The following GRIK2 variants were observed in gnomAD, a reference collection of about 807,000 sequenced individuals.
The protein encoded by GRIK2 is glutamate ionotropic receptor kainate type subunit 2.
Under a neutral mutation model 100.3 loss-of-function variants are expected in GRIK2, and 32 were observed. The ratio of observed to expected loss-of-function variants is 0.32; its 90% CI spans 0.24 to 0.43. The LOEUF (loss-of-function observed/expected upper bound fraction) is 0.43, where lower values mean the gene tolerates loss of function less well. Among genes scored for constraint, GRIK2 ranks in the 20% least tolerant of loss-of-function variants. GRIK2 has a pLI of 1.00. For synonymous variants in GRIK2, 417 were observed against 389.4 expected (o/e 1.07, Z -0.83); for missense variants, 843 against 1,114.9 (o/e 0.76, Z 3.47).
chr6:101,767,618 G>T, intron 7 of GRIK2, among the ~76,000 whole-genome samples: 1 of 151,756 alleles, frequency 6.6e-6, no homozygotes, highest in East Asian at 1.9e-4. Flanking sequence ...TTTGACTTTT[G>T]ATTAAAATAA....
chr6:101,792,302 T>C (rs982536967), intron 7 of GRIK2, among the ~76,000 whole-genome samples: 7 of 152,198 alleles, frequency 4.6e-5, no homozygotes, highest in Non-Finnish European at 1.0e-4. Flanking sequence ...CTTCCTAGTC[T>C]CGATGGTCTT....
chr6:101,773,510 T>A (rs1473018031), intron 7 of GRIK2, among the ~76,000 whole-genome samples: 2 of 147,828 alleles, frequency 1.4e-5, no homozygotes, highest in African/African-American at 5.0e-5. Flanking sequence ...AAAAAACTAG[T>A]GAAGAGATGG....
chr6:101,890,690 TC>T (rs1158454933), intron 12 of GRIK2, among the ~76,000 whole-genome samples: 2 of 152,088 alleles, frequency 1.3e-5, no homozygotes, highest in Non-Finnish European at 2.9e-5. Context: ...TATTTTACTC[TC>T]GGAGGTGTAA....
chr6:101,703,012 T>C (rs1170669399), intron 7 of GRIK2, among the ~76,000 whole-genome samples: 1 of 151,888 alleles, frequency 6.6e-6, no homozygotes, highest in African/African-American at 2.4e-5. Flanking sequence ...ATATGCAGTT[T>C]TGTTTACTAG....
Position 101,707,592 on chromosome 6 carries a change from G to GTATATA in GRIK2, c.951+21240_951+21241insATATAT, listed in dbSNP as rs1451926404. ...TATATGTGTATGTGTGTGTGTGTGT[G>GTATATA]TGTATATATGTGTGTATATATATAT... On this transcript the variant is annotated intron_variant, in intron 7 of 16. Coordinates refer to ENST00000369134, the MANE Select transcript of GRIK2 (RefSeq NM_021956.5). Among the ~76,000 whole-genome samples, 767 of 128,006 alleles carry GTATATA rather than the reference G, an allele frequency of 6.0e-3. 6 individuals carry two copies. The highest frequency in any genetic ancestry group is 9.4e-3 in the East Asian group (37 of 3,924). The allele number at this position is 128,006 out of a possible 152,430, so 84.0% of individuals were successfully genotyped here.
intron 14 of GRIK2, among the ~76,000 whole-genome samples, chr6:101,955,450 A>T (rs1203302753): frequency 2.0e-5 from 3 of 152,016 alleles, no homozygotes; most frequent in Non-Finnish European, 4.4e-5. Flanking sequence ...CCAGGAGTTC[A>T]AAGCTACCAT....
At chr6:101,711,901 G>A (rs1238371831) in intron 7 of GRIK2, among the ~76,000 whole-genome samples, 4 of 151,708 alleles carry the variant, frequency 2.6e-5, no homozygotes, top group Non-Finnish European at 4.4e-5. Flanking sequence ...GGCATTATAC[G>A]TGACATTTAG....
intron 2 of GRIK2, among the ~76,000 whole-genome samples, chr6:101,448,020 C>T (rs73502681): frequency 0.028 from 4,196 of 151,706 alleles, 221 homozygotes; most frequent in African/African-American, 0.097. Context: ...TGCTATAATT[C>T]AGGCTTGAAT....
At chr6:101,686,856 A>G (rs1771736528) in intron 7 of GRIK2, among the ~76,000 whole-genome samples, 1 of 152,102 alleles carries the variant, frequency 6.6e-6, no homozygotes, top group Non-Finnish European at 1.5e-5. Flanking sequence ...TCCCAGTTTA[A>G]ACCCAGAAGC....
chr6:101,422,566 C>T (rs1456691649), intron 2 of GRIK2, among the ~76,000 whole-genome samples: 1 of 151,600 alleles, frequency 6.6e-6, no homozygotes, highest in Admixed American at 6.6e-5. Context: ...TTGTTCAGAT[C>T]TGTTAAAGAA....
intron 7 of GRIK2, among the ~76,000 whole-genome samples, chr6:101,692,777 C>A (rs1431299105): frequency 1.3e-5 from 2 of 151,948 alleles, no homozygotes; most frequent in East Asian, 3.9e-4. Context: ...TAACTACTAG[C>A]CTTATTCTTG....
chr6:101,772,376 T>A (rs181060908), intron 7 of GRIK2, among the ~76,000 whole-genome samples: 70 of 152,288 alleles, frequency 4.6e-4, no homozygotes, highest in Non-Finnish European at 9.6e-4. Context: ...GGAAGAGGAT[T>A]CTGCTGCAGT....
At chr6:101,775,507 T>TTA (rs1379991693) in intron 7 of GRIK2, among the ~76,000 whole-genome samples, 7 of 149,424 alleles carry the variant, frequency 4.7e-5, no homozygotes, top group South Asian at 2.1e-4. Flanking sequence ...ACAAAAATCT[T>TTA]TATATATATA....
At chr6:101,936,693 C>G (rs534540195) in intron 14 of GRIK2, among the ~76,000 whole-genome samples, 1 of 152,162 alleles carries the variant, frequency 6.6e-6, no homozygotes, top group African/African-American at 2.4e-5. Flanking sequence ...TAAAATGGTG[C>G]CTTTGAGTAA....
intron 4 of GRIK2, among the ~76,000 whole-genome samples, chr6:101,627,330 C>T (rs1013944489): frequency 6.6e-6 from 1 of 152,030 alleles, no homozygotes; most frequent in Non-Finnish European, 1.5e-5. Context: ...TTAGTGGAGT[C>T]AGGGTTTCAT....
At chr6:101,536,517 GATTATA>G (rs1775701487) in intron 2 of GRIK2, among the ~76,000 whole-genome samples, 1 of 151,520 alleles carries the variant, frequency 6.6e-6, no homozygotes, top group African/African-American at 2.4e-5. Flanking sequence ...ACATTTCTTT[GATTATA>G]ATTATCTTAT....
chr6:101,755,971 G>A (rs1164098733), intron 7 of GRIK2, among the ~76,000 whole-genome samples: 2 of 152,100 alleles, frequency 1.3e-5, no homozygotes, highest in East Asian at 1.9e-4. Context: ...TGTTTATAAG[G>A]AATACTTTCT....
At chr6:101,832,782 G>GT (rs1782788071) in intron 10 of GRIK2, among the ~76,000 whole-genome samples, 1 of 151,998 alleles carries the variant, frequency 6.6e-6, no homozygotes, top group African/African-American at 2.4e-5. Context: ...ATAAATTCTG[G>GT]TTTTGGCTTT....
chr6:101,858,700 T>C (rs1306749655), intron 10 of GRIK2, among the ~76,000 whole-genome samples: 1 of 152,038 alleles, frequency 6.6e-6, no homozygotes, highest in Non-Finnish European at 1.5e-5. Flanking sequence ...TCTTCATCTA[T>C]ATTTTAAAGT....
Sources: gnomAD v4.1 joint callset for allele counts (sites outside exome capture counted in the v4.1 genomes callset) on GRCh38, gnomAD v4.1.1 for gene constraint, MANE v1.5 for transcripts, NCBI Gene and HGNC (gene_info 2026-07-23, HGNC 2026-07-21) for gene names.